The following CDH3 variants were observed in gnomAD, a reference collection of about 807,000 sequenced individuals.
The protein encoded by CDH3 is cadherin-3.
In CDH3, 54 loss-of-function variants were observed where a neutral mutation model predicts 82.0. That is an observed-to-expected ratio of 0.66 (90% CI 0.53 to 0.83). The LOEUF (loss-of-function observed/expected upper bound fraction) is 0.83. Ranked by LOEUF, CDH3 falls within the 40% of genes least tolerant of loss-of-function variation. The probability of loss-of-function intolerance (pLI) is 0.00; values close to 1 mark genes in which losing one functional copy is unlikely to be tolerated. For synonymous variants in CDH3, 446 were observed against 437.9 expected, an observed-to-expected ratio of 1.02 and a Z score of -0.23; for missense variants, 1,054 against 1,084.6, an observed-to-expected ratio of 0.97 and a Z score of 0.40.
chr16:68,674,761 T>C (rs1288530808), intron 2 of CDH3, among the ~76,000 whole-genome samples: 1 of 152,158 alleles, frequency 6.6e-6, no homozygotes, highest in African/African-American at 2.4e-5. Flanking sequence ...CTTTTTTATA[T>C]TGTGCTCTTA....
chr16:68,687,857 T>G (rs1465873458), intron 12 of CDH3, 121 bp downstream of exon 12: 1 of 743,126 alleles, frequency 1.3e-6, no homozygotes, highest in East Asian at 2.7e-5. Flanking sequence ...GACAATGATC[T>G]CCTCTAGAAC....
chr16:68,681,041 C>A lies in CDH3; in HGVS notation c.941C>A (p.Ala314Glu), dbSNP rs763597773. 1.9e-6 allele frequency: 3 copies of A among 1,613,792 alleles called. No individual in the cohort carries two copies. Among genetic ancestry groups the A allele is most frequent in the African/African-American group, 1.3e-5 (1 of 74,904 alleles). The change falls in exon 8 of 16, where the codon GCA becomes GAA. Residue 314 changes from alanine to glutamate, a missense_variant. By Grantham distance (107) the Ala-to-Glu change is moderately radical. Coordinates refer to ENST00000264012, the MANE Select transcript of CDH3 (RefSeq NM_001793.6). ...DGDGSTTTAV[A>E]VVEILDANDN... is the part of the protein sequence containing the mutation. ...GACGGCTCCACCACCACGGCAGTGG[C>A]AGTAGTGGAGATCCTTGATGCCAAT...
intron 8 of CDH3, among the ~76,000 whole-genome samples, 184 bp downstream of exon 8, chr16:68,681,280 G>T (rs1432336442): frequency 6.6e-6 from 1 of 152,170 alleles, no homozygotes; most frequent in Non-Finnish European, 1.5e-5. Flanking sequence ...AGGAGATAAT[G>T]ATAATACCTG....
intron 2 of CDH3, among the ~76,000 whole-genome samples, chr16:68,667,188 A>G (rs540884978): frequency 1.3e-5 from 2 of 152,188 alleles, no homozygotes; most frequent in Non-Finnish European, 2.9e-5. Context: ...TCTTTCTTCA[A>G]GTCACTTCCA....
chr16:68,689,834 G>A (rs192613576), intron 12 of CDH3, among the ~76,000 whole-genome samples: 7 of 152,052 alleles, frequency 4.6e-5, no homozygotes, highest in East Asian at 3.9e-4. Context: ...CTGACAACCC[G>A]GGGAGGGGGT....
At chr16:68,704,403 G>A (rs1219020715), downstream of CDH3, among the ~76,000 whole-genome samples, 3 of 152,304 alleles carry the variant, frequency 2.0e-5, no homozygotes, top group South Asian at 2.1e-4. Context: ...GCCTGCTAGC[G>A]CTCCCTTGGT....
intron 12 of CDH3, among the ~76,000 whole-genome samples, chr16:68,689,652 T>C (rs1419091863): frequency 6.6e-6 from 1 of 151,994 alleles, no homozygotes; most frequent in Non-Finnish European, 1.5e-5. Flanking sequence ...TTTAGTGACA[T>C]ATACCCCATG....
chr16:68,730,164 C>T (rs1301484238), downstream of CDH3, among the ~76,000 whole-genome samples: 1 of 149,438 alleles, frequency 6.7e-6, no homozygotes, highest in African/African-American at 2.5e-5. Context: ...ACCTGGGAGG[C>T]GGAGGTTGCA....
Position 68,707,736 on chromosome 16 carries a change from G to A in CDH3, c.99+11813G>A, listed in dbSNP as rs931692851. On this transcript the variant is annotated intron_variant, in intron 1 of 2. Transcript: ENST00000569080. The surrounding 1 kb of genome is among the most constrained non-coding windows in gnomAD (Gnocchi z 4.5). The stretch of plus-strand genomic sequence containing the variant: ...GGGGATCGCCAGGTGGTCACTGCCA[G>A]CCTTGTCCTCGCTTGGTATTAGGCC... Among the ~76,000 whole-genome samples the A allele has an allele frequency of 2.0e-5, 3 of 152,154 alleles. No individual in the cohort carries two copies. The highest frequency in any genetic ancestry group is 4.8e-5 in the African/African-American group (2 of 41,440).
intron 2 of CDH3, chr16:68,651,803 C>G: frequency 2.1e-6 from 1 of 479,724 alleles, no homozygotes; most frequent in Admixed American, 2.4e-5. Flanking sequence ...TCAGGCCCTG[C>G]TGGAAGTCAG....
chr16:68,694,837 G>A (rs986795991), intron 13 of CDH3, among the ~76,000 whole-genome samples: 1 of 152,114 alleles, frequency 6.6e-6, no homozygotes, highest in African/African-American at 2.4e-5. Flanking sequence ...CCACCAATCT[G>A]GTTAGACTGA....
chr16:68,685,429 C>T lies in CDH3; in HGVS notation c.1570+79C>T, dbSNP rs62057767. ...CATGACACAGCACAGCATGTTTCCTCCACAGGTGGGAACATGTGTCGAGGA... is the reference window on the plus strand; with the variant it reads ...CATGACACAGCACAGCATGTTTCCTTCACAGGTGGGAACATGTGTCGAGGA... On this transcript the variant is annotated intron_variant, in intron 11 of 15. Transcript: ENST00000264012. 0.017 allele frequency: 25,584 copies of T among 1,480,580 alleles called. 281 individuals are homozygous for T. Among genetic ancestry groups the T allele is most frequent in the South Asian group, 0.027 (2,363 of 87,726 alleles). The allele number at this position is 1,480,580 out of a possible 1,614,324, so 91.7% of individuals were successfully genotyped here. A position where few individuals can be genotyped will look rare whatever the true frequency, so the allele number is the denominator to read the frequency against.
chr16:68,707,845 C>T lies in CDH3; in HGVS notation c.99+11922C>T, dbSNP rs1388538463. Reference sequence around the variant, plus strand: ...AGCAAGCGGCAGGGGTGTGGCGGGCCGGGGAGGAATCTGAGAGGGGCGGGG... The same window carrying T: ...AGCAAGCGGCAGGGGTGTGGCGGGCTGGGGAGGAATCTGAGAGGGGCGGGG... On this transcript the variant is annotated intron_variant, in intron 1 of 2. Coordinates refer to the CDH3 transcript ENST00000569080. This position sits in a 1 kb window ranked among gnomAD's most constrained non-coding sequence, Gnocchi z 4.5. Among the ~76,000 whole-genome samples the T allele has an allele frequency of 1.4e-5, 2 of 147,998 alleles. No individual in the cohort carries two copies. Among genetic ancestry groups the T allele is most frequent in the Admixed American group, 6.7e-5 (1 of 14,836 alleles).
At chr16:68,701,827 C>A (rs1248664266), downstream of CDH3, among the ~76,000 whole-genome samples, 2 of 151,676 alleles carry the variant, frequency 1.3e-5, no homozygotes, top group African/African-American at 2.4e-5. Flanking sequence ...AGTTCGAGAC[C>A]AGCCTGGCCA....
chr16:68,668,408 ATCAGTT>A (rs1567443450), intron 2 of CDH3, among the ~76,000 whole-genome samples: 1 of 152,194 alleles, frequency 6.6e-6, no homozygotes, highest in African/African-American at 2.4e-5. Flanking sequence ...CTGGTTTCGT[ATCAGTT>A]TCATTATGAA....
chr16:68,723,645 A>T (rs560814781), intron 2 of CDH3, among the ~76,000 whole-genome samples: 1 of 152,198 alleles, frequency 6.6e-6, no homozygotes, highest in African/African-American at 2.4e-5. Flanking sequence ...TCGTAAATAA[A>T]TGAGGCCAGA....
rs773847546 is a variant in CDH3, at chr16:68,645,338, GC to G, written c.-39del. The G allele has an allele frequency of 6.2e-6, 10 of 1,604,872 alleles. No individual in the cohort carries two copies. Among genetic ancestry groups the G allele is most frequent in the Non-Finnish European group, 8.5e-6 (10 of 1,174,298 alleles). Reference sequence around the variant, plus strand: ...GGGGCAAGAGCTGAGCGGAACACCGGCCCGCCGTCGCGGCAGCTGCTTCACC... The same window carrying G: ...GGGGCAAGAGCTGAGCGGAACACCGGCCGCCGTCGCGGCAGCTGCTTCACC... On this transcript the variant is annotated 5_prime_UTR_variant, in exon 1 of 16. Coordinates refer to ENST00000264012, the MANE Select transcript of CDH3 (RefSeq NM_001793.6).
chr16:68,645,706 A>AG lies in CDH3; in HGVS notation c.118dup (p.Ala40GlyfsTer28), dbSNP rs1208055411. On this transcript the variant is annotated frameshift_variant, in exon 2 of 16. Transcript: ENST00000264012. LOFTEE classifies it high-confidence loss of function. ...TTCAGGGAGGCTGAAGTGACCTTGGAGGCGGGAGGCGCGGAGCAGGAGCCC... is the reference window on the plus strand; with the variant it reads ...TTCAGGGAGGCTGAAGTGACCTTGGAGGGCGGGAGGCGCGGAGCAGGAGCCC... 6 of 1,545,698 alleles carry AG rather than the reference A, an allele frequency of 3.9e-6. No individual in the cohort carries two copies. The highest frequency in any genetic ancestry group is 5.2e-6 in the Non-Finnish European group (6 of 1,146,516).
chr16:68,697,947 G>C, intron 15 of CDH3: 1 of 609,024 alleles, frequency 1.6e-6, no homozygotes, highest in Non-Finnish European at 2.9e-6. Flanking sequence ...TGTGTGGTGT[G>C]AGTTCTGGCC....
Sources: gnomAD v4.1 joint callset for allele counts (sites outside exome capture counted in the v4.1 genomes callset) on GRCh38, gnomAD v4.1.1 for gene constraint, Gnocchi (gnomAD v3.1) non-coding constraint, MANE v1.5 for transcripts, NCBI Gene and HGNC (gene_info 2026-07-23, HGNC 2026-07-21) for gene names.